The following ITGBL1 variants were observed in gnomAD, a reference collection of about 807,000 sequenced individuals.
ITGBL1 encodes the protein integrin subunit beta like 1, also known as integrin beta-like protein 1.
In ITGBL1, 51 loss-of-function variants were observed where a neutral mutation model predicts 68.5. That is an observed-to-expected ratio of 0.74 (90% CI 0.59 to 0.94). The LOEUF is 0.94. Among genes scored for constraint, ITGBL1 ranks in the 40% least tolerant of loss-of-function variants. The pLI is 0.00. For missense variants in ITGBL1, 649 were observed against 647.4 expected (o/e 1.00, Z -0.03); for synonymous variants, 209 against 227.3 (o/e 0.92, Z 0.72).
At chr13:101,616,443 C>CT (rs1428121683) in intron 7 of ITGBL1, among the ~76,000 whole-genome samples, 2 of 152,092 alleles carry the variant, frequency 1.3e-5, no homozygotes, top group Non-Finnish European at 2.9e-5. Flanking sequence ...GCTCAGAACT[C>CT]TGAGATCGGC....
At chr13:101,478,753 C>T (rs1471663116) in intron 2 of ITGBL1, among the ~76,000 whole-genome samples, 1 of 151,458 alleles carries the variant, frequency 6.6e-6, no homozygotes, top group Non-Finnish European at 1.5e-5. Flanking sequence ...ATGAGTTAAC[C>T]AAAGAAGAGA....
At chr13:101,583,432 A>G (rs1458543982) in intron 6 of ITGBL1, 76 bp downstream of exon 6, 2 of 1,165,626 alleles carry the variant, frequency 1.7e-6, no homozygotes, top group Non-Finnish European at 2.4e-6. Context: ...AAAAAAAAGC[A>G]ATTAGAAAGA....
At chr13:101,488,081 GA>G (rs1203584548) in intron 2 of ITGBL1, among the ~76,000 whole-genome samples, 1 of 152,166 alleles carries the variant, frequency 6.6e-6, no homozygotes, top group Non-Finnish European at 1.5e-5. Context: ...GGATGGCAGG[GA>G]TTGGGACTTA....
At chr13:101,673,831 C>A (rs1318270790) in intron 7 of ITGBL1, among the ~76,000 whole-genome samples, 2 of 152,140 alleles carry the variant, frequency 1.3e-5, no homozygotes, top group African/African-American at 2.4e-5. Flanking sequence ...CCCCACAGAA[C>A]TCCTGATGCT....
At chr13:101,557,024 C>G (rs1478724330) in intron 2 of ITGBL1, among the ~76,000 whole-genome samples, 1 of 152,120 alleles carries the variant, frequency 6.6e-6, no homozygotes, top group Non-Finnish European at 1.5e-5. Context: ...GTCATTGGAG[C>G]CTGCACTCCA....
At chr13:101,488,508 C>A (rs553854333) in intron 2 of ITGBL1, among the ~76,000 whole-genome samples, 1 of 152,258 alleles carries the variant, frequency 6.6e-6, no homozygotes, top group Non-Finnish European at 1.5e-5. Flanking sequence ...GGCTTTGAAC[C>A]CGGAAAGACC....
chr13:101,486,829 A>G (rs2139051252), intron 2 of ITGBL1, among the ~76,000 whole-genome samples: 1 of 152,338 alleles, frequency 6.6e-6, no homozygotes, highest in East Asian at 1.9e-4. Flanking sequence ...TAGAAGGAAC[A>G]TAAGCACACA....
intron 7 of ITGBL1, among the ~76,000 whole-genome samples, chr13:101,626,766 A>G (rs546773770): frequency 2.8e-4 from 43 of 152,332 alleles, no homozygotes; most frequent in Non-Finnish European, 5.0e-4. Flanking sequence ...ATTCTCAGAC[A>G]ATAGGAGTAC....
intron 7 of ITGBL1, among the ~76,000 whole-genome samples, chr13:101,653,771 C>T (rs1158529732): frequency 4.6e-5 from 7 of 151,882 alleles, no homozygotes; most frequent in Admixed American, 3.9e-4. Flanking sequence ...TCACTGCAAC[C>T]TCTGCCTCCT....
intron 2 of ITGBL1, among the ~76,000 whole-genome samples, chr13:101,462,159 C>A (rs2048326682): frequency 6.6e-6 from 1 of 152,274 alleles, no homozygotes; most frequent in South Asian, 2.1e-4. Context: ...GTTGTGAGAC[C>A]TTTCTCACAC....
At chr13:101,562,059 A>T (rs1156313972) in intron 2 of ITGBL1, among the ~76,000 whole-genome samples, 1 of 152,138 alleles carries the variant, frequency 6.6e-6, no homozygotes. Flanking sequence ...ATGGGAGGAA[A>T]GAGCTGGGAA....
At chr13:101,686,176 G>A (rs2033750382) in intron 7 of ITGBL1, among the ~76,000 whole-genome samples, 1 of 152,014 alleles carries the variant, frequency 6.6e-6, no homozygotes, top group South Asian at 2.1e-4. Context: ...GTTTTGCCCG[G>A]TTCCTATGTT....
At chr13:101,496,395 G>T (rs79048153) in intron 2 of ITGBL1, among the ~76,000 whole-genome samples, 2,656 of 152,208 alleles carry the variant, frequency 0.017, 81 homozygotes, top group African/African-American at 0.058. Context: ...TGACCTAGAT[G>T]ATCTCAAAAG....
intron 6 of ITGBL1, among the ~76,000 whole-genome samples, chr13:101,591,189 C>T (rs1002471207): frequency 6.6e-6 from 1 of 152,174 alleles, no homozygotes; most frequent in Non-Finnish European, 1.5e-5. Context: ...GGGCGTGAGT[C>T]ACCACGTCCG....
chr13:101,535,677 C>T (rs934787024), intron 2 of ITGBL1, among the ~76,000 whole-genome samples: 2 of 152,094 alleles, frequency 1.3e-5, no homozygotes, highest in Non-Finnish European at 2.9e-5. Context: ...TTGACATAAT[C>T]TTCACAAACA....
In ITGBL1 at chr13:101,591,779, C is replaced by G. The variant is rs563861543; in HGVS notation, c.869-6374C>G. On this transcript the variant is annotated intron_variant, in intron 6 of 10. Transcript: ENST00000376180. ...TGTACTTTTAAAAAGTGTAATTCCACTTTTAAAATTCTTCATGCATTTTTG... is the reference window on the plus strand; with the variant it reads ...TGTACTTTTAAAAAGTGTAATTCCAGTTTTAAAATTCTTCATGCATTTTTG... 1.7e-4 allele frequency among the ~76,000 whole-genome samples: 26 copies of G among 152,224 alleles called. No individual in the cohort carries two copies. The South Asian group carries it at 3.5e-3, about 21-fold the overall frequency.
chr13:101,638,435 A>T (rs201981040), intron 7 of ITGBL1, among the ~76,000 whole-genome samples: 2 of 5,752 alleles, frequency 3.5e-4, no homozygotes, highest in African/African-American at 1.8e-3. Flanking sequence ...CTTAAAAAAT[A>T]AAAAAAAAAA....
intron 2 of ITGBL1, among the ~76,000 whole-genome samples, chr13:101,476,319 T>G: frequency 6.6e-6 from 1 of 151,936 alleles, no homozygotes; most frequent in East Asian, 1.9e-4. Context: ...CATAGTAACC[T>G]CAATTCCAAA....
intron 3 of ITGBL1, 95 bp from the exon 4 acceptor site, chr13:101,575,329 G>T: frequency 5.2e-6 from 6 of 1,160,518 alleles, no homozygotes; most frequent in Non-Finnish European, 7.5e-6. Context: ...AATTGATTTG[G>T]ATTATCTACT....
Sources: gnomAD v4.1 joint callset for allele counts (sites outside exome capture counted in the v4.1 genomes callset) on GRCh38, gnomAD v4.1.1 for gene constraint, MANE v1.5 for transcripts, NCBI Gene and HGNC (gene_info 2026-07-23, HGNC 2026-07-21) for gene names.